THOC2: variants seen among roughly 807,000 people sequenced by gnomAD.
THOC2 encodes THO complex 2.
In THOC2, 10 loss-of-function variants were observed where a neutral mutation model predicts 128.4. The observed-to-expected ratio is 0.08, with a 90% CI of 0.05 to 0.13. The LOEUF is 0.13. Among genes scored for constraint, THOC2 ranks in the 10% least tolerant of loss-of-function variants. The pLI is 1.00. For synonymous variants in THOC2, 393 were observed against 396.9 expected (o/e 0.99, Z 0.12); for missense variants, 535 against 1,155.7 (o/e 0.46, Z 7.79).
At chrX:123,602,169 C>T (rs960766774) in intron 38 of THOC2, 5 of 112,449 alleles carry the variant, frequency 4.4e-5, no homozygotes, top group African/African-American at 1.6e-4. Context: ...CTAGAAGGGT[C>T]CTTAGAAAAT....
At position 123,732,998 on chromosome X, in the gene THOC2, G is replaced by A. The variant is rs1249742378; in HGVS notation, c.25C>T (p.Pro9Ser). 8.3e-7 allele frequency: 1 copy of A among 1,211,812 alleles called. No homozygotes were observed. Among genetic ancestry groups the A allele is most frequent in the Admixed American group, 2.2e-5 (1 of 46,047 alleles). The change falls in exon 1 of 39, where the codon CCC becomes TCC. Residue 9 changes from proline (P) to serine (S), a missense_variant. Around this residue, in one of 9 missense-constraint regions of THOC2, gnomAD observed 61 missense variants for 84.3 expected, o/e 0.72. Transcript: ENST00000245838. MAAAAVVV[P>S]AEWIKNWEKS... ...TCCCAGTTCTTTATCCACTCTGCGG[G>A]AACCACCACAGCCGCGGCCGCCATC... is the stretch of plus-strand genomic sequence containing the variant.
At chrX:123,658,662 C>T (rs1240410185) in intron 12 of THOC2, among the ~76,000 whole-genome samples, 1 of 112,351 alleles carries the variant, frequency 8.9e-6, no homozygotes, top group Non-Finnish European at 1.9e-5. Flanking sequence ...ACCACGCAGA[C>T]AATGAAAAGC....
intron 12 of THOC2, among the ~76,000 whole-genome samples, chrX:123,647,750 G>A (rs1309932616): frequency 9.7e-6 from 1 of 103,255 alleles, no homozygotes; most frequent in Non-Finnish European, 2.0e-5. Flanking sequence ...CAGGAGAATC[G>A]CTTGAACCTG....
chrX:123,660,655 A>G (rs1331486256), intron 12 of THOC2, among the ~76,000 whole-genome samples: 1 of 112,386 alleles, frequency 8.9e-6, no homozygotes, highest in Non-Finnish European at 1.9e-5. Context: ...GCACTAGCTA[A>G]CATGAATCAT....
chrX:123,719,095 G>A (rs2051567327), intron 1 of THOC2, among the ~76,000 whole-genome samples: 1 of 107,702 alleles, frequency 9.3e-6, no homozygotes, highest in Non-Finnish European at 1.9e-5. Context: ...GGAGAATGGC[G>A]TCAACCCGGG....
At chrX:123,664,756 A>T (rs2048984178) in intron 12 of THOC2, among the ~76,000 whole-genome samples, 1 of 111,963 alleles carries the variant, frequency 8.9e-6, no homozygotes, top group Non-Finnish European at 1.9e-5. Flanking sequence ...TGTTGGTGGG[A>T]CTGTAAACTA....
chrX:123,653,419 C>A (rs2048440493), intron 12 of THOC2, among the ~76,000 whole-genome samples: 1 of 112,085 alleles, frequency 8.9e-6, no homozygotes, highest in African/African-American at 3.2e-5. Flanking sequence ...CCAGAATTGA[C>A]AAACGGGATC....
At chrX:123,700,828 T>C (rs1009284724) in intron 4 of THOC2, among the ~76,000 whole-genome samples, 5 of 111,690 alleles carry the variant, frequency 4.5e-5, no homozygotes, top group African/African-American at 1.6e-4. Context: ...ACACAATGCC[T>C]AGAACATGGA....
At chrX:123,720,450 G>GA (rs1398653739) in intron 1 of THOC2, among the ~76,000 whole-genome samples, 3 of 110,782 alleles carry the variant, frequency 2.7e-5, no homozygotes, top group African/African-American at 9.8e-5. Context: ...CCTATCTCTC[G>GA]AAAAAAATTA....
intron 33 of THOC2, among the ~76,000 whole-genome samples, chrX:123,615,192 C>A (rs1371667258): frequency 2.7e-5 from 3 of 111,257 alleles, no homozygotes; most frequent in Non-Finnish European, 5.7e-5. Context: ...GCTAGATACA[C>A]CTTAGGAACA....
rs761011736 is a variant in THOC2 at position 123,614,081 on chromosome X, C to A, written c.4420G>T (p.Asp1474Tyr). Residue 1474 changes from aspartate to tyrosine, a missense_variant, in exon 34 of 39, where the codon GAT (aspartate) becomes TAT (tyrosine). By Grantham distance (160) the Asp-to-Tyr change is radical. Around this residue, in one of 9 missense-constraint regions of THOC2, gnomAD observed 39 missense variants for 93.1 expected, o/e 0.42. Coordinates refer to ENST00000245838, the MANE Select transcript of THOC2 (RefSeq NM_001081550.2). The stretch of plus-strand genomic sequence containing the variant: ...TTCCGCTCTTTCCTGTCCTTTTCAT[C>A]TTTTTTCTCTCTTTCTCTGGATCTT... ...RERSREREKK[D>Y]EKDRKERKRD... The A allele has an allele frequency of 8.3e-7, 1 of 1,204,373 alleles. No homozygotes were observed. The highest frequency in any genetic ancestry group is 3.0e-5 in the East Asian group (1 of 33,663).
chrX:123,658,999 T>C (rs1446835173), intron 12 of THOC2, among the ~76,000 whole-genome samples: 10 of 112,204 alleles, frequency 8.9e-5, no homozygotes, highest in East Asian at 8.3e-4. Context: ...AAAAAATATA[T>C]AGGTGCTATC....
At chrX:123,612,196 T>C (rs1569320970) in intron 36 of THOC2, among the ~76,000 whole-genome samples, 2 of 111,495 alleles carry the variant, frequency 1.8e-5, no homozygotes, top group African/African-American at 6.5e-5. Flanking sequence ...TAATTAAAAA[T>C]AGGTGTTTGA....
chrX:123,687,027 G>A (rs895524014), intron 7 of THOC2, among the ~76,000 whole-genome samples: 3 of 111,107 alleles, frequency 2.7e-5, no homozygotes, highest in African/African-American at 6.5e-5. Context: ...GATTACTCGG[G>A]CTAGTGAAAC....
At chrX:123,720,756 CAT>C (rs897419023) in intron 1 of THOC2, among the ~76,000 whole-genome samples, 17 of 111,939 alleles carry the variant, frequency 1.5e-4, no homozygotes, top group African/African-American at 5.5e-4. Flanking sequence ...GAAATCCTGT[CAT>C]GTGCTACAAT....
chrX:123,673,497 T>C (rs2049364243), intron 8 of THOC2, among the ~76,000 whole-genome samples: 1 of 111,753 alleles, frequency 8.9e-6, no homozygotes, highest in Admixed American at 9.5e-5. Flanking sequence ...CTGACTTGAA[T>C]GCACCAGGGC....
chrX:123,716,106 A>G (rs186646380), intron 1 of THOC2, among the ~76,000 whole-genome samples: 6 of 112,279 alleles, frequency 5.3e-5, no homozygotes, highest in Non-Finnish European at 7.5e-5. Flanking sequence ...ACAGCACATT[A>G]AAAGGATCAT....
chrX:123,652,599 T>C (rs1163116085), intron 12 of THOC2, among the ~76,000 whole-genome samples: 1 of 111,775 alleles, frequency 8.9e-6, no homozygotes, highest in African/African-American at 3.3e-5. Flanking sequence ...GGATACAAAA[T>C]CAATGTGCAA....
At chrX:123,656,315 G>C (rs1291749551) in intron 12 of THOC2, among the ~76,000 whole-genome samples, 1 of 73,180 alleles carries the variant, frequency 1.4e-5, no homozygotes, top group African/African-American at 5.6e-5. Context: ...TGGGCAACAA[G>C]AGCGAGACTC....
Sources: gnomAD v4.1 joint callset for allele counts (sites outside exome capture counted in the v4.1 genomes callset) on GRCh38, gnomAD v4.1.1 for gene constraint, gnomAD v4.1.1 regional missense constraint, MANE v1.5 for transcripts, NCBI Gene and HGNC (gene_info 2026-07-23, HGNC 2026-07-21) for gene names.